Variants in MLLT10 observed in about 807,000 individuals in gnomAD.
MLLT10 encodes the protein MLLT10 histone lysine methyltransferase DOT1L cofactor, also known as protein AF-10.
MLLT10 carries 30 observed loss-of-function variants against 129.1 expected under a neutral mutation model. The observed-to-expected ratio is 0.23, with a 90% CI of 0.17 to 0.32. The LOEUF is 0.32. Among genes scored for constraint, MLLT10 ranks in the 10% least tolerant of loss-of-function variants. The pLI is 1.00. For missense variants in MLLT10, 1,119 were observed against 1,268.3 expected, an observed-to-expected ratio of 0.88 and a Z score of 1.79; for synonymous variants, 490 against 446.4, an observed-to-expected ratio of 1.10 and a Z score of -1.23.
At chr10:21,576,544 A>G (rs2040771020) in intron 3 of MLLT10, among the ~76,000 whole-genome samples, 1 of 147,696 alleles carries the variant, frequency 6.8e-6, no homozygotes, top group Non-Finnish European at 1.5e-5. Flanking sequence ...CGGCCATTCC[A>G]TTTACTTTTG....
chr10:21,578,500 CT>C (rs971306661), intron 3 of MLLT10, among the ~76,000 whole-genome samples: 2 of 152,084 alleles, frequency 1.3e-5, no homozygotes, highest in Admixed American at 1.3e-4. Flanking sequence ...TTTATTGCCT[CT>C]GCTTTTAGTG....
chr10:21,592,961 A>G (rs574836896), intron 4 of MLLT10, among the ~76,000 whole-genome samples: 3 of 152,178 alleles, frequency 2.0e-5, no homozygotes, highest in East Asian at 3.9e-4. Flanking sequence ...CTGCCTGCCT[A>G]TTACATTTTT....
chr10:21,535,608 A>G (rs1227606630), intron 2 of MLLT10, among the ~76,000 whole-genome samples: 1 of 152,224 alleles, frequency 6.6e-6, no homozygotes, highest in African/African-American at 2.4e-5. Context: ...GGCCGAGGAC[A>G]CTAGTAAGAT....
In MLLT10 at chr10:21,726,255, A is replaced by G. The variant is rs576622177; in HGVS notation, c.1890A>G (p.Leu630=). 25 of 1,607,152 alleles carry G rather than the reference A, an allele frequency of 1.6e-5. 1 individual carries two copies. The highest frequency in any genetic ancestry group is 5.5e-5 in the South Asian group (5 of 90,288). The change falls in exon 15 of 23, where the codon CTA becomes CTG. Residue 630 remains leucine (L), a synonymous_variant. Transcript: ENST00000307729. ...PAVATTQANT[L]SGSSLSQAPS... is the part of the protein sequence containing the mutation. ...TTTTTTCCATTTAGGCAAATACTCT[A>G]TCTGGATCTTCTCTCAGTCAGGCAC...
chr10:21,658,580 G>C (rs2049847694), intron 9 of MLLT10, among the ~76,000 whole-genome samples: 1 of 152,136 alleles, frequency 6.6e-6, no homozygotes, highest in East Asian at 1.9e-4. Flanking sequence ...AATCTTATAA[G>C]ATATATGTTT....
Position 21,674,495 on chromosome 10 carries a change from A to G in MLLT10, c.1621+576A>G, listed in dbSNP as rs148380114. 1.9e-4 allele frequency among the ~76,000 whole-genome samples: 29 copies of G among 152,324 alleles called. No individual in the cohort carries two copies. The East Asian group carries it at 5.6e-3, about 29-fold the overall frequency. On this transcript the variant is annotated intron_variant, in intron 11 of 22. Coordinates refer to ENST00000307729, the MANE Select transcript of MLLT10 (RefSeq NM_001195626.3). ...AAATGATTTAATTGTGTTTTCAAAT[A>G]TACTTCATGATTTTACCATTCTTTT...
chr10:21,626,154 A>C (rs1013512476), intron 8 of MLLT10: 1 of 1,610,206 alleles, frequency 6.2e-7, no homozygotes, highest in African/African-American at 1.3e-5. Context: ...CCACATAAAA[A>C]TGCACTTTTG....
chr10:21,562,088 G>T (rs1215605119), intron 3 of MLLT10, among the ~76,000 whole-genome samples: 1 of 152,144 alleles, frequency 6.6e-6, no homozygotes, highest in Non-Finnish European at 1.5e-5. Flanking sequence ...TTACAGGCGT[G>T]AGCCACTGTG....
intron 4 of MLLT10, among the ~76,000 whole-genome samples, chr10:21,594,868 C>T (rs1015409894): frequency 6.6e-6 from 1 of 151,686 alleles, no homozygotes; most frequent in Non-Finnish European, 1.5e-5. Flanking sequence ...AAATTTAACA[C>T]ATTTCAAATT....
intron 22 of MLLT10, among the ~76,000 whole-genome samples, chr10:21,741,478 TAC>T (rs1449755885): frequency 9.2e-5 from 14 of 152,354 alleles, no homozygotes; most frequent in Non-Finnish European, 1.0e-4. Context: ...CCTTGCAAGA[TAC>T]AGTGACATTT....
At chr10:21,562,538 A>C (rs1214874469) in intron 3 of MLLT10, among the ~76,000 whole-genome samples, 1 of 151,722 alleles carries the variant, frequency 6.6e-6, no homozygotes, top group Non-Finnish European at 1.5e-5. Context: ...GGGTTTTACC[A>C]TGTTGGCGAG....
intron 14 of MLLT10, among the ~76,000 whole-genome samples, chr10:21,720,149 C>T (rs2057025368): frequency 1.3e-5 from 2 of 152,236 alleles, no homozygotes; most frequent in Non-Finnish European, 2.9e-5. Context: ...TTTAACTACA[C>T]TTCATTCCCT....
intron 8 of MLLT10, among the ~76,000 whole-genome samples, chr10:21,634,723 A>C (rs943488908): frequency 2.2e-4 from 34 of 152,176 alleles, no homozygotes; most frequent in African/African-American, 8.2e-4. Context: ...TGTCCATCCA[A>C]ACATCCATCC....
At chr10:21,567,658 A>ATAT (rs1266543491) in intron 3 of MLLT10, among the ~76,000 whole-genome samples, 2 of 152,024 alleles carry the variant, frequency 1.3e-5, no homozygotes, top group African/African-American at 4.8e-5. Context: ...ATGAGGGTGG[A>ATAT]TATCTAGGTT....
At chr10:21,682,704 A>G (rs2052868222) in intron 13 of MLLT10, among the ~76,000 whole-genome samples, 1 of 152,190 alleles carries the variant, frequency 6.6e-6, no homozygotes, top group African/African-American at 2.4e-5. Context: ...AATGGAAGAT[A>G]GTCTTTTAAA....
intron 3 of MLLT10, among the ~76,000 whole-genome samples, chr10:21,582,320 A>G (rs1170097418): frequency 6.6e-6 from 1 of 151,872 alleles, no homozygotes; most frequent in Non-Finnish European, 1.5e-5. Context: ...GGGTTTCACC[A>G]TGTTGGCCAG....
At chr10:21,725,740 G>A (rs990736519) in intron 14 of MLLT10, among the ~76,000 whole-genome samples, 1 of 125,650 alleles carries the variant, frequency 8.0e-6, no homozygotes, top group East Asian at 2.6e-4. Flanking sequence ...AAAAAAAATT[G>A]TAGTTACGTA....
chr10:21,735,010 A>C (rs954770611), intron 20 of MLLT10, 129 bp from the exon 21 acceptor site: 87 of 654,380 alleles, frequency 1.3e-4, no homozygotes, highest in Non-Finnish European at 2.0e-4. Context: ...AACTGTTTTC[A>C]GAGTGTTTGG....
chr10:21,570,695 T>A (rs2040107082), intron 3 of MLLT10, among the ~76,000 whole-genome samples: 1 of 152,106 alleles, frequency 6.6e-6, no homozygotes, highest in South Asian at 2.1e-4. Flanking sequence ...AGTTCAAATT[T>A]TAAAAATATT....
Sources: allele counts gnomAD v4.1 joint callset (sites outside exome capture counted in the v4.1 genomes callset), GRCh38; gene constraint gnomAD v4.1.1; transcripts MANE v1.5; gene names NCBI Gene and HGNC (gene_info 2026-07-23, HGNC 2026-07-21).